Variants in TOM1L2 observed in about 807,000 individuals in gnomAD.
TOM1L2 encodes TOM1-like protein 2.
Under a neutral mutation model 67.9 loss-of-function variants are expected in TOM1L2, and 31 were observed. The ratio of observed to expected loss-of-function variants is 0.46; its 90% CI spans 0.34 to 0.62. TOM1L2 has a LOEUF of 0.62. Ranked by LOEUF, TOM1L2 falls within the 20% of genes least tolerant of loss-of-function variation. The pLI, the probability that TOM1L2 is intolerant of heterozygous loss-of-function variation, is 0.01. For synonymous variants in TOM1L2, 256 were observed against 254.0 expected, an observed-to-expected ratio of 1.01 and a Z score of -0.07; for missense variants, 606 against 663.5, an observed-to-expected ratio of 0.91 and a Z score of 0.95.
intron 1 of TOM1L2, among the ~76,000 whole-genome samples, chr17:17,910,795 C>T (rs1418421572): frequency 7.2e-5 from 11 of 152,142 alleles, no homozygotes; most frequent in Non-Finnish European, 2.9e-5. Flanking sequence ...TCTCGAACTC[C>T]TGACCTCAGG....
At chr17:17,967,235 G>T (rs1044746219) in intron 1 of TOM1L2, among the ~76,000 whole-genome samples, 1 of 152,214 alleles carries the variant, frequency 6.6e-6, no homozygotes, top group African/African-American at 2.4e-5. Flanking sequence ...CTCTGCAACA[G>T]AATATCTGCT....
rs772024120 is a variant in TOM1L2 at position 17,866,307 on chromosome 17, A to G, written c.1073T>C (p.Leu358Pro). Residue 358 changes from leucine (L) to proline (P), a missense_variant, in exon 10 of 15, where the codon CTT becomes CCT. By Grantham distance (98) the Leu-to-Pro change is moderately conservative. This residue lies in a region of TOM1L2 where 543 missense variants were observed against 554.0 expected (regional missense o/e 0.98). Coordinates refer to ENST00000379504, the MANE Select transcript of TOM1L2 (RefSeq NM_001082968.2). ...TAPPSSLSSQ[L>P]AGLDLGTESV... The stretch of plus-strand genomic sequence containing the variant: ...TGTGAGACACTCACCTAAGCCTGCA[A>G]GCTGGGAGGAGAGGGAAGATGGGGG... 1 of 1,612,856 alleles carries G rather than the reference A, an allele frequency of 6.2e-7. No homozygotes were observed. Among genetic ancestry groups the G allele is most frequent in the Non-Finnish European group, 8.5e-7 (1 of 1,179,528 alleles).
At chr17:17,909,227 G>A (rs1417125088) in intron 1 of TOM1L2, among the ~76,000 whole-genome samples, 1 of 152,028 alleles carries the variant, frequency 6.6e-6, no homozygotes, top group Non-Finnish European at 1.5e-5. Context: ...ATTACCCTAT[G>A]ATCTAGCAAT....
chr17:17,892,153 G>A (rs969848863), intron 4 of TOM1L2, among the ~76,000 whole-genome samples: 4 of 152,156 alleles, frequency 2.6e-5, no homozygotes, highest in Non-Finnish European at 4.4e-5. Flanking sequence ...TGTGAATGAG[G>A]AGGAGGAGTC....
chr17:17,877,142 T>C (rs1674166781), intron 7 of TOM1L2, among the ~76,000 whole-genome samples: 1 of 152,236 alleles, frequency 6.6e-6, no homozygotes, highest in African/African-American at 2.4e-5. Context: ...CAGCTCACAC[T>C]GCCAAGCTTC....
intron 1 of TOM1L2, among the ~76,000 whole-genome samples, chr17:17,932,342 T>A (rs768423724): frequency 1.3e-5 from 2 of 152,136 alleles, no homozygotes; most frequent in African/African-American, 2.4e-5. Context: ...TTTGCCCAGG[T>A]TGGTCTCAAA....
intron 1 of TOM1L2, among the ~76,000 whole-genome samples, chr17:17,956,647 C>G (rs759741029): frequency 3.9e-5 from 6 of 152,208 alleles, no homozygotes; most frequent in Non-Finnish European, 8.8e-5. Flanking sequence ...GCAGGGAGAC[C>G]GCTGAGACCC....
At chr17:17,924,309 T>C (rs1460962651) in intron 1 of TOM1L2, among the ~76,000 whole-genome samples, 1 of 152,076 alleles carries the variant, frequency 6.6e-6, no homozygotes, top group Non-Finnish European at 1.5e-5. Context: ...ATGATGAAAA[T>C]GTTCTAAAAC....
chr17:17,866,704 C>T (rs2036866700), intron 9 of TOM1L2, among the ~76,000 whole-genome samples, 172 bp downstream of exon 9: 1 of 152,206 alleles, frequency 6.6e-6, no homozygotes, highest in African/African-American at 2.4e-5. Flanking sequence ...GCCACCTTCC[C>T]ATCAGGGGTG....
chr17:17,971,128 C>G (rs1286729714), intron 1 of TOM1L2, among the ~76,000 whole-genome samples: 1 of 152,100 alleles, frequency 6.6e-6, no homozygotes, highest in Non-Finnish European at 1.5e-5. Context: ...ATGCTGAGTA[C>G]CATTCTCTCT....
chr17:17,921,752 G>A (rs577912547), intron 1 of TOM1L2, among the ~76,000 whole-genome samples: 117 of 151,272 alleles, frequency 7.7e-4, no homozygotes, highest in Non-Finnish European at 1.3e-3. Context: ...AAGTGGGGGC[G>A]GGGTGGGGGG....
At chr17:17,907,681 A>G in intron 1 of TOM1L2, 150 bp from the exon 2 acceptor site, 1 of 651,694 alleles carries the variant, frequency 1.5e-6, no homozygotes, top group East Asian at 2.8e-5. Flanking sequence ...TTATCACAAG[A>G]GAACACCCGG....
intron 1 of TOM1L2, among the ~76,000 whole-genome samples, chr17:17,933,463 G>C (rs552913408): frequency 6.6e-6 from 1 of 152,252 alleles, no homozygotes; most frequent in African/African-American, 2.4e-5. Context: ...CAGGTATTGG[G>C]AGCCTGTGGA....
chr17:17,936,666 T>G (rs891601297), intron 1 of TOM1L2, among the ~76,000 whole-genome samples: 8 of 152,194 alleles, frequency 5.3e-5, no homozygotes, highest in Non-Finnish European at 1.0e-4. Context: ...ATGTAGTCAT[T>G]TAATAATGAT....
At position 17,907,481 on chromosome 17, in the gene TOM1L2, C is replaced by G. The variant is rs759595245; in HGVS notation, c.103G>C (p.Glu35Gln). 3 of 1,614,126 alleles carry G rather than the reference C, an allele frequency of 1.9e-6. No homozygotes were observed. The East Asian group carries it at 6.7e-5, about 36-fold the overall frequency. The part of the protein sequence containing the change: ...LQSEDWTLNM[E>Q]ICDIINETEE... Reference sequence around the variant, plus strand: ...GTCTCATTGATGATGTCACAGATCTCCATATTCAACGTCCAATCCTCACTT... The same window carrying G: ...GTCTCATTGATGATGTCACAGATCTGCATATTCAACGTCCAATCCTCACTT... Residue 35 changes from glutamate (E) to glutamine (Q), a missense_variant, in exon 2 of 15, where the codon GAG becomes CAG. Transcript: ENST00000379504.
At chr17:17,947,257 C>T (rs1213990125) in intron 1 of TOM1L2, among the ~76,000 whole-genome samples, 2 of 152,012 alleles carry the variant, frequency 1.3e-5, no homozygotes, top group Non-Finnish European at 2.9e-5. Context: ...CTCCTGGGCT[C>T]AAGTGATCCT....
intron 1 of TOM1L2, among the ~76,000 whole-genome samples, chr17:17,922,747 A>C (rs1322895615): frequency 6.6e-6 from 1 of 152,250 alleles, no homozygotes; most frequent in East Asian, 1.9e-4. Context: ...GTGAGGGCGC[A>C]ATAAATATGA....
At chr17:17,891,377 G>A (rs1039256375) in intron 4 of TOM1L2, among the ~76,000 whole-genome samples, 2 of 152,206 alleles carry the variant, frequency 1.3e-5, no homozygotes, top group Non-Finnish European at 2.9e-5. Flanking sequence ...TAAAAGCTAG[G>A]AGGAGCTGGA....
In TOM1L2 at chr17:17,937,449, G is replaced by T. The variant is rs576308406; in HGVS notation, c.53-29918C>A. Among the ~76,000 whole-genome samples the T allele has an allele frequency of 2.0e-4, 31 of 152,340 alleles. No homozygotes were observed. In the South Asian group the frequency reaches 6.4e-3, roughly 32 times the overall value. ...GGCTCGGATTAGGGGACTTTCACAG[G>T]TAAGAATGGTGAGGGCCAAAGATCT... On this transcript the variant is annotated intron_variant, in intron 1 of 14. Transcript: ENST00000379504.
Sources: allele counts gnomAD v4.1 joint callset (sites outside exome capture counted in the v4.1 genomes callset), GRCh38; gene constraint gnomAD v4.1.1; regional missense constraint gnomAD v4.1.1; transcripts MANE v1.5; gene names NCBI Gene and HGNC (gene_info 2026-07-23, HGNC 2026-07-21).